Variants in SGSM3 observed in about 807,000 individuals in gnomAD.
SGSM3 encodes RUN and SH3 containing 3.
In SGSM3, 96 loss-of-function variants were observed where a neutral mutation model predicts 100.5. That is an observed-to-expected ratio of 0.96 (90% CI 0.81 to 1.13). The LOEUF (loss-of-function observed/expected upper bound fraction) is 1.13. Among genes scored for constraint, SGSM3 ranks in the 50% most tolerant of loss-of-function variants. The pLI is 0.00. For synonymous variants in SGSM3, 483 were observed against 422.8 expected, an observed-to-expected ratio of 1.14 and a Z score of -1.75; for missense variants, 1,001 against 1,015.8, an observed-to-expected ratio of 0.99 and a Z score of 0.20.
At chr22:40,391,653 CAAAAG>C (rs72146419) in intron 1 of SGSM3, among the ~76,000 whole-genome samples, 2,605 of 152,246 alleles carry the variant, frequency 0.017, 33 homozygotes, top group Admixed American at 0.03. Context: ...TTACAAGACT[CAAAAG>C]AAGAGTCCAG....
Position 40,408,643 on chromosome 22 carries a change from T to G in SGSM3, c.1799T>G (p.Val600Gly). Residue 600 changes from valine (V) to glycine (G), a missense_variant, in exon 17 of 22, where the codon GTC becomes GGC. Val to Gly is a moderately radical substitution (Grantham distance 109, BLOSUM62 -3). Transcript: ENST00000248929. ...TCCCCACAGGCTGCAGGCCGGGAGGTCGAGAGAGACTTTGCCTCCGTGTAT... is the reference window on the plus strand; with the variant it reads ...TCCCCACAGGCTGCAGGCCGGGAGGGCGAGAGAGACTTTGCCTCCGTGTAT... ...LFIEEAAGRE[V>G]ERDFASVYSR... 6.2e-7 allele frequency: 1 copy of G among 1,613,744 alleles called. No homozygotes were observed. The highest frequency in any genetic ancestry group is 1.1e-5 in the South Asian group (1 of 91,074).
chr22:40,405,571 T>C, intron 7 of SGSM3, 78 bp from the exon 8 acceptor site: 1 of 1,333,884 alleles, frequency 7.5e-7, no homozygotes, highest in Non-Finnish European at 1.0e-6. Flanking sequence ...TGCTAATTGG[T>C]CTCCCTAGGG....
Position 40,398,633 on chromosome 22 carries a change from T to C in SGSM3, c.-111-2063T>C, listed in dbSNP as rs1403982923. Among the ~76,000 whole-genome samples, 2 of 141,638 alleles carry C rather than the reference T, an allele frequency of 1.4e-5. 1 individual carries two copies. The highest frequency in any genetic ancestry group is 4.2e-4 in the East Asian group (2 of 4,774). 92.9% of individuals were successfully genotyped at this position (141,638 alleles called of 152,430 possible). A position where few individuals can be genotyped will look rare whatever the true frequency, so the allele number is the denominator to read the frequency against. On this transcript the variant is annotated intron_variant, in intron 1 of 21. Transcript: ENST00000248929. ...ATGTGGAACCATACACAGTTGTCAT[T>C]TTTCTAGGCTGTAATGGATGAATAT... is the stretch of plus-strand genomic sequence containing the variant.
chr22:40,409,700 G>A lies in SGSM3; in HGVS notation c.2191G>A (p.Glu731Lys). ...TTTGCAGGCGCAGCAGCCCCTGAAGGAGGGCGTCCGGGACATGCTGGTGAA... is the reference window on the plus strand; with the variant it reads ...TTTGCAGGCGCAGCAGCCCCTGAAGAAGGGCGTCCGGGACATGCTGGTGAA... ...AKREAQQPLK[E>K]GVRDMLVKHH... Residue 731 changes from glutamate to lysine, a missense_variant, in exon 22 of 22, where the codon GAG (glutamate) becomes AAG (lysine). By Grantham distance (56) the Glu-to-Lys change is moderately conservative. Transcript: ENST00000248929. 6.2e-7 allele frequency: 1 copy of A among 1,613,242 alleles called. No homozygotes were observed. The highest frequency in any genetic ancestry group is 8.5e-7 in the Non-Finnish European group (1 of 1,179,790).
chr22:40,407,649 C>G lies in SGSM3; in HGVS notation c.1524+81C>G. 6.3e-7 allele frequency: 1 copy of G among 1,578,810 alleles called. No homozygotes were observed. The highest frequency in any genetic ancestry group is 8.6e-7 in the Non-Finnish European group (1 of 1,160,296). On this transcript the variant is annotated intron_variant, in intron 13 of 21. Coordinates refer to ENST00000248929, the MANE Select transcript of SGSM3 (RefSeq NM_015705.6). The surrounding 1 kb of genome is among the most constrained non-coding windows in gnomAD (Gnocchi z 4.7). ...CCCTCCACCAAGCCCCACCCCAACC[C>G]CTTTCCCTGCCAAGAGCTTCTCTTG...
Position 40,407,606 on chromosome 22 carries a change from T to C in SGSM3, c.1524+38T>C, listed in dbSNP as rs2051782443. ...GCTGGACTACCAGGTCCTCAGGCTG[T>C]GGCGGGTTCCCCAGACTCCCTCCAC... On this transcript the variant is annotated intron_variant, in intron 13 of 21. Coordinates refer to ENST00000248929, the MANE Select transcript of SGSM3 (RefSeq NM_015705.6). This position sits in a 1 kb window ranked among gnomAD's most constrained non-coding sequence, Gnocchi z 4.7. The C allele has an allele frequency of 1.1e-5, 18 of 1,594,290 alleles. No individual in the cohort carries two copies. Among genetic ancestry groups the C allele is most frequent in the Non-Finnish European group, 1.4e-5 (17 of 1,174,394 alleles).
chr22:40,406,619 A>G lies in SGSM3; in HGVS notation c.1142A>G (p.Gln381Arg). The change falls in exon 10 of 22, where the codon CAG becomes CGG. Residue 381 changes from glutamine (Q) to arginine (R), a missense_variant. Gln to Arg is a conservative substitution (Grantham distance 43). Transcript: ENST00000248929. ...CACCTGGCCTATCTCATTGCAGACC[A>G]GGGCCAGCTCCTGGGGGCCGGCACC... ...RKHLAYLIAD[Q>R]GQLLGAGTLT... is the part of the protein sequence containing the mutation. 6.2e-7 allele frequency: 1 copy of G among 1,609,412 alleles called. No homozygotes were observed. Among genetic ancestry groups the G allele is most frequent in the Non-Finnish European group, 8.5e-7 (1 of 1,176,936 alleles).
intron 9 of SGSM3, 86 bp from the exon 10 acceptor site, chr22:40,406,352 C>A: frequency 1.3e-6 from 2 of 1,496,074 alleles, no homozygotes; most frequent in Admixed American, 2.0e-5. Context: ...GCAAACGGGT[C>A]CCTGAGGATG....
intron 1 of SGSM3, among the ~76,000 whole-genome samples, chr22:40,394,684 G>A (rs1167097487): frequency 6.7e-6 from 1 of 150,038 alleles, no homozygotes; most frequent in African/African-American, 2.5e-5. Context: ...TTTTTGCCAT[G>A]GCTAGAAGGG....
intron 1 of SGSM3, among the ~76,000 whole-genome samples, chr22:40,380,244 A>G (rs2047337493): frequency 6.6e-6 from 1 of 152,144 alleles, no homozygotes; most frequent in South Asian, 2.1e-4. Context: ...TGTGTGTGTG[A>G]TTAAGTAATT....
Position 40,409,536 on chromosome 22 carries a change from T to C in SGSM3, c.2172+11T>C, listed in dbSNP as rs2052273136. On this transcript the variant is annotated intron_variant, in intron 21 of 21. Coordinates refer to ENST00000248929, the MANE Select transcript of SGSM3 (RefSeq NM_015705.6). ...CCTGCGAAGAGAGAGGTGGGTGGTG[T>C]GGGCCTCGTAGGGCCTGCACTGATG... is the stretch of plus-strand genomic sequence containing the variant. The C allele has an allele frequency of 4.4e-6, 7 of 1,604,852 alleles. No homozygotes were observed. The highest frequency in any genetic ancestry group is 4.5e-5 in the East Asian group (2 of 44,776).
chr22:40,409,073 G>A, intron 19 of SGSM3, 55 bp downstream of exon 19: 1 of 1,551,554 alleles, frequency 6.4e-7, no homozygotes, highest in Non-Finnish European at 8.7e-7. Flanking sequence ...ACCCAGCCCA[G>A]CATCAGGGGG....
At position 40,410,069 on chromosome 22, in the gene SGSM3, C is replaced by CTCTT. The variant is rs1009293954; in HGVS notation, c.*312_*315dup. 2.2e-4 allele frequency: 283 copies of CTCTT among 1,258,190 alleles called. 1 individual carries two copies. Among genetic ancestry groups the CTCTT allele is most frequent in the African/African-American group, 2.8e-4 (18 of 64,214 alleles). 77.9% of individuals were successfully genotyped at this position (1,258,190 alleles called of 1,614,324 possible). On this transcript the variant is annotated 3_prime_UTR_variant, in exon 22 of 22. Transcript: ENST00000248929. ...TGGGGGTGGCTAGTAGGCTCCTGGC[C>CTCTT]TCTTTGGTTTATAAATAAACTGTGT...
intron 20 of SGSM3, 38 bp downstream of exon 20, chr22:40,409,410 T>C: frequency 3.2e-6 from 5 of 1,570,992 alleles, no homozygotes; most frequent in Non-Finnish European, 4.3e-6. Context: ...GGAGGTGGGG[T>C]GGGAAGGGCT....
chr22:40,402,296 T>C, intron 4 of SGSM3, 91 bp downstream of exon 4: 1 of 931,582 alleles, frequency 1.1e-6, no homozygotes, highest in Non-Finnish European at 1.8e-6. Context: ...CTGTGATGGC[T>C]GAGCTCTGAT....
intron 1 of SGSM3, among the ~76,000 whole-genome samples, chr22:40,386,562 CTTTTTTTTTT>C (rs60319316): frequency 6.6e-4 from 45 of 68,366 alleles, no homozygotes; most frequent in Non-Finnish European, 9.0e-4. Flanking sequence ...AATTTTCTTA[CTTTTTTTTTT>C]TTTTTTTTTT....
intron 1 of SGSM3, among the ~76,000 whole-genome samples, chr22:40,372,122 C>CT (rs58396730): frequency 0.015 from 1,007 of 65,320 alleles, 15 homozygotes; most frequent in Middle Eastern, 0.039. Context: ...TCCCCCCCCC[C>CT]TTTTTTTTTT....
rs1602131772 is a variant in SGSM3, at chr22:40,408,314, T to G, written c.1667T>G (p.Val556Gly). ...GGGGATGACTCGGTGACGGAGGGGG[T>G]CACAGACCTCGTGCGAGGGACCCTC... Reference protein sequence around the residue: ...IAGDDSVTEGVTDLVRGTLCP... With the variant: ...IAGDDSVTEGGTDLVRGTLCP... The change falls in exon 16 of 22, where the codon GTC becomes GGC. Residue 556 changes from valine (V) to glycine (G), a missense_variant. Coordinates refer to ENST00000248929, the MANE Select transcript of SGSM3 (RefSeq NM_015705.6). The G allele has an allele frequency of 6.2e-7, 1 of 1,612,846 alleles. No homozygotes were observed. Among genetic ancestry groups the G allele is most frequent in the South Asian group, 1.1e-5 (1 of 91,040 alleles).
intron 1 of SGSM3, among the ~76,000 whole-genome samples, chr22:40,374,406 A>G (rs545160580): frequency 7.2e-5 from 11 of 152,380 alleles, no homozygotes; most frequent in African/African-American, 2.6e-4. Context: ...AGCTGTATCC[A>G]CTGAGAGATG....
Sources: allele counts gnomAD v4.1 joint callset (sites outside exome capture counted in the v4.1 genomes callset), GRCh38; gene constraint gnomAD v4.1.1; non-coding constraint Gnocchi (gnomAD v3.1); transcripts MANE v1.5; gene names NCBI Gene and HGNC (gene_info 2026-07-23, HGNC 2026-07-21).